The following NCOA5 variants were observed in gnomAD, a reference collection of about 807,000 sequenced individuals.
NCOA5 encodes NCoA-5.
Under a neutral mutation model 59.0 loss-of-function variants are expected in NCOA5, and 12 were observed. That is an observed-to-expected ratio of 0.20 (90% CI 0.13 to 0.33). The LOEUF (loss-of-function observed/expected upper bound fraction) is 0.33, where lower values mean the gene tolerates loss of function less well. NCOA5 is among the 10% of genes least tolerant of loss of function. NCOA5 has a pLI of 1.00. For missense variants in NCOA5, 655 were observed against 766.6 expected (o/e 0.85, Z 1.72); for synonymous variants, 270 against 275.5 (o/e 0.98, Z 0.20).
chr20:46,076,068 T>C (rs2084934652), intron 2 of NCOA5, among the ~76,000 whole-genome samples: 1 of 152,180 alleles, frequency 6.6e-6, no homozygotes, highest in Non-Finnish European at 1.5e-5. Context: ...CTACGTTAAG[T>C]CCAGCAAAAC....
intron 2 of NCOA5, among the ~76,000 whole-genome samples, chr20:46,074,689 G>C (rs2084918164): frequency 1.3e-5 from 2 of 152,254 alleles, no homozygotes; most frequent in African/African-American, 2.4e-5. Context: ...GCTTCTGGTA[G>C]AATGTGTCTC....
Position 46,073,764 on chromosome 20 carries a change from TTA to T in NCOA5, c.39-3230_39-3229del, listed in dbSNP as rs3091817. 8.5e-3 allele frequency among the ~76,000 whole-genome samples: 1,294 copies of T among 152,262 alleles called. 26 individuals carry two copies. The highest frequency in any genetic ancestry group is 0.029 in the African/African-American group (1,212 of 41,536). On this transcript the variant is annotated intron_variant, in intron 2 of 7. Coordinates refer to ENST00000290231, the MANE Select transcript of NCOA5 (RefSeq NM_020967.3). ...TACCACCTTCGGAGTATTATAAGTG[TTA>T]TGTTATGATTGGTCCTCATTCTTTT...
Position 46,067,107 on chromosome 20 carries a change from C to T in NCOA5, c.577G>A (p.Asp193Asn), listed in dbSNP as rs764867120. The T allele has an allele frequency of 6.8e-6, 11 of 1,614,068 alleles. No individual in the cohort carries two copies. The highest frequency in any genetic ancestry group is 1.7e-5 in the Admixed American group (1 of 59,986). Reference protein sequence around the residue: ...QYFEEIQRRFDAERPVDCSVI... With the variant: ...QYFEEIQRRFNAERPVDCSVI... ...GAACAATCAACGGGCCTTTCGGCAT[C>T]AAAGCGTCTCTGGATTTCCTCAAAA... Residue 193 changes from aspartate to asparagine, a missense_variant, in exon 5 of 8, where the codon GAT becomes AAT. This residue lies in a region of NCOA5 where 80 missense variants were observed against 153.3 expected (regional missense o/e 0.52). Transcript: ENST00000290231.
rs1404377763 is a variant in NCOA5 at position 46,073,030 on chromosome 20, G to A, written c.39-2494C>T. ...ACCACACTGTTCTGTAATTGTTTAC[G>A]TGGCTTCCCTACCAAATAAGAAGTT... On this transcript the variant is annotated intron_variant, in intron 2 of 7. Coordinates refer to ENST00000290231, the MANE Select transcript of NCOA5 (RefSeq NM_020967.3). Among the ~76,000 whole-genome samples the A allele has an allele frequency of 7.9e-5, 12 of 152,142 alleles. 1 individual carries two copies. Among genetic ancestry groups the A allele is most frequent in the Admixed American group, 7.9e-4 (12 of 15,278 alleles).
rs765202898 is a variant in NCOA5, at chr20:46,063,423, T to C, written c.1087A>G (p.Ile363Val). 6 of 1,614,036 alleles carry C rather than the reference T, an allele frequency of 3.7e-6. No homozygotes were observed. Among genetic ancestry groups the C allele is most frequent in the Non-Finnish European group, 5.1e-6 (6 of 1,180,036 alleles). Residue 363 changes from isoleucine (I) to valine (V), a missense_variant, in exon 7 of 8, where the codon ATC becomes GTC. Coordinates refer to ENST00000290231, the MANE Select transcript of NCOA5 (RefSeq NM_020967.3). ...TTCCGCTCTCGCAGGTAGTTGATGA[T>C]CTTGTCAGTCTCTTCAGCAGTGAGG... is the stretch of plus-strand genomic sequence containing the variant. ...RYLTAEETDK[I>V]INYLRERKER...
intron 2 of NCOA5, among the ~76,000 whole-genome samples, chr20:46,073,581 C>G (rs1019827944): frequency 6.6e-6 from 1 of 152,120 alleles, no homozygotes; most frequent in Non-Finnish European, 1.5e-5. Flanking sequence ...GATAAACCTG[C>G]CTTGGGGAGC....
chr20:46,080,611 CT>C lies in NCOA5; in HGVS notation c.-29-1159del, dbSNP rs2084982824. Among the ~76,000 whole-genome samples the C allele has an allele frequency of 2.6e-5, 4 of 152,220 alleles. No individual in the cohort carries two copies. In the South Asian group the frequency reaches 8.3e-4, roughly 32 times the overall value. ...GAGGTCTGGTAGAGATTTTATGCTG[CT>C]ATTTTGCCAACTTTTGAGTTCCTGA... On this transcript the variant is annotated intron_variant, in intron 1 of 7. Coordinates refer to ENST00000290231, the MANE Select transcript of NCOA5 (RefSeq NM_020967.3).
At chr20:46,073,646 G>A (rs2084907509) in intron 2 of NCOA5, among the ~76,000 whole-genome samples, 1 of 152,206 alleles carries the variant, frequency 6.6e-6, no homozygotes, top group African/African-American at 2.4e-5. Context: ...TTGGCAATCA[G>A]GGCTGAGATA....
At chr20:46,089,548 G>A (rs1190029127) in intron 1 of NCOA5, among the ~76,000 whole-genome samples, 1 of 152,172 alleles carries the variant, frequency 6.6e-6, no homozygotes, top group Admixed American at 6.5e-5. Context: ...ACAGACAGGC[G>A]GCTGCGATGC....
chr20:46,083,807 C>T (rs1211759166), intron 1 of NCOA5, among the ~76,000 whole-genome samples: 1 of 152,202 alleles, frequency 6.6e-6, no homozygotes, highest in Non-Finnish European at 1.5e-5. Flanking sequence ...GGGGAAATGA[C>T]AGGACTTCTC....
intron 3 of NCOA5, 35 bp from the exon 4 acceptor site, chr20:46,068,673 CTG>C (rs1473086061): frequency 1.3e-6 from 2 of 1,598,472 alleles, no homozygotes; most frequent in Admixed American, 1.8e-5. Context: ...AAAGATAAAA[CTG>C]TGTCTTATCC....
intron 3 of NCOA5, 21 bp from the exon 4 acceptor site, chr20:46,068,659 T>C: frequency 6.2e-7 from 1 of 1,601,586 alleles, no homozygotes; most frequent in Non-Finnish European, 8.5e-7. Context: ...AAGGAAATTT[T>C]CATAAAGATA....
intron 1 of NCOA5, among the ~76,000 whole-genome samples, chr20:46,079,777 A>C (rs1365958281): frequency 6.6e-6 from 1 of 152,248 alleles, no homozygotes; most frequent in African/African-American, 2.4e-5. Context: ...GTTGTTTTCT[A>C]AACTCTTAGA....
At chr20:46,085,239 C>T (rs1017969594) in intron 1 of NCOA5, among the ~76,000 whole-genome samples, 2 of 151,936 alleles carry the variant, frequency 1.3e-5, no homozygotes, top group East Asian at 3.9e-4. Flanking sequence ...GTTGCCCAGG[C>T]TGGTCTTGAA....
At position 46,062,156 on chromosome 20, in the gene NCOA5, A is replaced by G. The variant is rs1426688037; in HGVS notation, c.*144T>C. ...GAATAAGCAACACAGCCTTGGGCAG[A>G]AGAGAGAGCAGGTGGTAGAAATTGA... On this transcript the variant is annotated 3_prime_UTR_variant, in exon 8 of 8. Transcript: ENST00000290231. 7 of 626,346 alleles carry G rather than the reference A, an allele frequency of 1.1e-5. No homozygotes were observed. Among genetic ancestry groups the G allele is most frequent in the East Asian group, 8.2e-5 (3 of 36,404 alleles). 38.8% of individuals were successfully genotyped at this position (626,346 alleles called of 1,614,324 possible).
chr20:46,079,743 C>A (rs948352340), intron 1 of NCOA5, among the ~76,000 whole-genome samples: 3 of 152,232 alleles, frequency 2.0e-5, no homozygotes, highest in Admixed American at 2.0e-4. Flanking sequence ...AGACCTGACA[C>A]ATTCCCTCCA....
intron 4 of NCOA5, among the ~76,000 whole-genome samples, chr20:46,067,648 T>C (rs533305990): frequency 2.0e-4 from 20 of 100,592 alleles, no homozygotes; most frequent in Non-Finnish European, 3.8e-4. Flanking sequence ...AAATCAAGTA[T>C]AAAGTTTAAA....
intron 6 of NCOA5, among the ~76,000 whole-genome samples, chr20:46,063,882 A>G (rs1206775941): frequency 1.3e-5 from 2 of 152,100 alleles, no homozygotes; most frequent in Non-Finnish European, 2.9e-5. Context: ...TGGTGAGGAG[A>G]TGCACCTTTA....
intron 1 of NCOA5, among the ~76,000 whole-genome samples, chr20:46,087,274 T>C (rs1210065431): frequency 1.3e-5 from 2 of 152,216 alleles, no homozygotes; most frequent in Non-Finnish European, 2.9e-5. Context: ...AAAAGTTTAA[T>C]ATATTTCTTG....
Sources: gnomAD v4.1 joint callset for allele counts (sites outside exome capture counted in the v4.1 genomes callset) on GRCh38, gnomAD v4.1.1 for gene constraint, gnomAD v4.1.1 regional missense constraint, MANE v1.5 for transcripts, NCBI Gene and HGNC (gene_info 2026-07-23, HGNC 2026-07-21) for gene names.